Variants in DOCK7 observed in about 807,000 individuals in gnomAD.
The protein encoded by DOCK7 is dedicator of cytokinesis 7.
A neutral mutation model predicts 271.0 loss-of-function variants in DOCK7; 138 were observed. That is an observed-to-expected ratio of 0.51 (90% CI 0.44 to 0.59). The LOEUF (loss-of-function observed/expected upper bound fraction) is 0.59. Among genes scored for constraint, DOCK7 ranks in the 20% least tolerant of loss-of-function variants. The probability of loss-of-function intolerance (pLI) is 0.00; values close to 1 mark genes in which losing one functional copy is unlikely to be tolerated. For synonymous variants in DOCK7, 823 were observed against 876.1 expected, an observed-to-expected ratio of 0.94 and a Z score of 1.07; for missense variants, 2,066 against 2,592.4, an observed-to-expected ratio of 0.80 and a Z score of 4.41.
rs549824141 is a variant in DOCK7 at position 62,634,700 on chromosome 1, A to C, written c.1035+73T>G. 2.6e-5 allele frequency: 37 copies of C among 1,449,214 alleles called. No homozygotes were observed. The East Asian group carries it at 8.3e-4, about 33-fold the overall frequency. 89.8% of individuals were successfully genotyped at this position (1,449,214 alleles called of 1,614,324 possible). A position where few individuals can be genotyped will look rare whatever the true frequency, so the allele number is the denominator to read the frequency against. On this transcript the variant is annotated intron_variant, in intron 9 of 49. Transcript: ENST00000635253. ...TGTAAAGGTCAAATCTTTGCCCTTG[A>C]AAAGTTTATAATACTGACAGACAAG... is the stretch of plus-strand genomic sequence containing the variant.
chr1:62,621,718 G>A (rs1199152273), intron 12 of DOCK7, among the ~76,000 whole-genome samples: 2 of 152,040 alleles, frequency 1.3e-5, no homozygotes, highest in East Asian at 3.9e-4. Context: ...ACTTTACAAG[G>A]TTTCTTCAGT....
intron 11 of DOCK7, among the ~76,000 whole-genome samples, chr1:62,627,099 T>C (rs1654048353): frequency 6.6e-6 from 1 of 152,062 alleles, no homozygotes; most frequent in African/African-American, 2.4e-5. Context: ...AAAAACCACA[T>C]CATTCGATGC....
In DOCK7 at chr1:62,638,486, G is replaced by C. The variant is rs928698659; in HGVS notation, c.819-1883C>G. On this transcript the variant is annotated intron_variant, in intron 7 of 49. Transcript: ENST00000635253. ...CTGTAAAAAAAATTTTGTGTATCAT[G>C]GGAGGCAGTGGTCAAGTTTCCTATT... 1.5e-4 allele frequency: 22 copies of C among 150,226 alleles called. 1 individual carries two copies. The highest frequency in any genetic ancestry group is 1.4e-3 in the Admixed American group (21 of 15,088). The allele number at this position is 150,226 out of a possible 1,614,324, so 9.3% of individuals were successfully genotyped here. A position where few individuals can be genotyped will look rare whatever the true frequency, so the allele number is the denominator to read the frequency against.
Position 62,475,941 on chromosome 1 carries a change from T to C in DOCK7, c.5727A>G (p.Ala1909=), listed in dbSNP as rs1011864865. The change falls in exon 46 of 50, where the codon GCA becomes GCG. Residue 1909 remains alanine (A), a splice_region_variant and synonymous_variant. Transcript: ENST00000635253. The stretch of plus-strand genomic sequence containing the variant: ...GCTCCACATAGGTAATCTGAATATA[T>C]GCCTAGGAAAGAAAAAAGTCCTTCA... ...VDKCKLDPNK[A]YIQITYVEPY... is the part of the protein sequence containing the mutation. The C allele has an allele frequency of 3.1e-6, 5 of 1,613,046 alleles. No homozygotes were observed. The highest frequency in any genetic ancestry group is 4.2e-6 in the Non-Finnish European group (5 of 1,179,458).
At position 62,492,691 on chromosome 1, in the gene DOCK7, A is replaced by G; in HGVS notation, c.5361+13T>C. 1.2e-6 allele frequency: 2 copies of G among 1,613,800 alleles called. No homozygotes were observed. The highest frequency in any genetic ancestry group is 1.7e-6 in the Non-Finnish European group (2 of 1,179,844). ...ATGAAACTGTGGGAAAAGAATTAAC[A>G]AGAGTCATCTACCATAGAGAAGGAA... is the stretch of plus-strand genomic sequence containing the variant. On this transcript the variant is annotated intron_variant, in intron 41 of 49. Transcript: ENST00000635253.
chr1:62,574,366 C>T (rs1166877945), intron 18 of DOCK7, among the ~76,000 whole-genome samples: 1 of 151,960 alleles, frequency 6.6e-6, no homozygotes, highest in Non-Finnish European at 1.5e-5. Context: ...GTTGTCATGA[C>T]TTTACAGACT....
At chr1:62,687,213 T>A (rs976335565) in intron 1 of DOCK7, among the ~76,000 whole-genome samples, 1 of 152,210 alleles carries the variant, frequency 6.6e-6, no homozygotes, top group Non-Finnish European at 1.5e-5. Flanking sequence ...CAAATATGAT[T>A]TTATTAAAAC....
chr1:62,512,322 G>A (rs1239395582), intron 33 of DOCK7, among the ~76,000 whole-genome samples: 1 of 152,134 alleles, frequency 6.6e-6, no homozygotes, highest in Non-Finnish European at 1.5e-5. Context: ...AGTATTGTCT[G>A]TATGTCACTT....
intron 14 of DOCK7, among the ~76,000 whole-genome samples, chr1:62,598,980 CT>C (rs1051566287): frequency 1.3e-5 from 2 of 152,052 alleles, no homozygotes; most frequent in African/African-American, 4.8e-5. Flanking sequence ...AACCATGGCT[CT>C]AAAACTTTGT....
rs542973492 is a variant in DOCK7, at chr1:62,562,586, C to T, written c.2113-883G>A. Reference sequence around the variant, plus strand: ...TCATAAAAAATAACTTTTAAAAGTACATAAATTCTCTCTATTCCTCCTGCT... The same window carrying T: ...TCATAAAAAATAACTTTTAAAAGTATATAAATTCTCTCTATTCCTCCTGCT... On this transcript the variant is annotated intron_variant, in intron 18 of 49. Coordinates refer to ENST00000635253, the MANE Select transcript of DOCK7 (RefSeq NM_001367561.1). 2.0e-5 allele frequency among the ~76,000 whole-genome samples: 3 copies of T among 152,156 alleles called. No individual in the cohort carries two copies. The East Asian group carries it at 5.8e-4, about 29-fold the overall frequency.
At chr1:62,604,691 A>AC (rs1220317954) in intron 14 of DOCK7, 1 of 1,613,292 alleles carries the variant, frequency 6.2e-7, no homozygotes, top group African/African-American at 1.3e-5. Flanking sequence ...AATATAACAA[A>AC]CCAAGAGCAA....
At chr1:62,631,542 AGATGAAG>A in intron 10 of DOCK7, 137 bp from the exon 11 acceptor site, 1 of 697,596 alleles carries the variant, frequency 1.4e-6, no homozygotes, top group Non-Finnish European at 2.3e-6. Flanking sequence ...TACCTTACAG[AGATGAAG>A]TATTAGTGCA....
Position 62,501,364 on chromosome 1 carries a change from T to C in DOCK7, c.4764+3266A>G, listed in dbSNP as rs535776130. Among the ~76,000 whole-genome samples, 452 of 151,586 alleles carry C rather than the reference T, an allele frequency of 3.0e-3. 4 individuals carry two copies. The highest frequency in any genetic ancestry group is 0.022 in the South Asian group (107 of 4,790). ...ACAGCTAAGAAAAACACTAGGAGGGTGAGAAAGGAGATAGAAAGAAGTACT... is the reference window on the plus strand; with the variant it reads ...ACAGCTAAGAAAAACACTAGGAGGGCGAGAAAGGAGATAGAAAGAAGTACT... On this transcript the variant is annotated intron_variant, in intron 37 of 49. Transcript: ENST00000635253.
In DOCK7 at chr1:62,625,279, C is replaced by A. The variant is rs139651399; in HGVS notation, c.1405G>T (p.Val469Leu). 35 of 1,613,828 alleles carry A rather than the reference C, an allele frequency of 2.2e-5. No individual in the cohort carries two copies. The highest frequency in any genetic ancestry group is 3.0e-5 in the Non-Finnish European group (35 of 1,179,964). ...LTSFRPATLT[V>L]TNFFKQEGDR... ...AATACCTGCTTAAAAAAATTTGTCACTGTGAGAGTAGCTGGTCGAAAGCTC... is the reference window on the plus strand; with the variant it reads ...AATACCTGCTTAAAAAAATTTGTCAATGTGAGAGTAGCTGGTCGAAAGCTC... The change falls in exon 12 of 50, where the codon GTG becomes TTG. Residue 469 changes from valine (V) to leucine (L), a missense_variant. Physicochemically the swap from Val to Leu is conservative, Grantham distance 32. Around this residue, in one of 2 missense-constraint regions of DOCK7, gnomAD observed 1,414 missense variants for 1,670.4 expected, o/e 0.85. Coordinates refer to ENST00000635253, the MANE Select transcript of DOCK7 (RefSeq NM_001367561.1).
chr1:62,688,096 C>T, intron 1 of DOCK7, 131 bp downstream of exon 1: 3 of 1,131,478 alleles, frequency 2.7e-6, no homozygotes, highest in Non-Finnish European at 3.3e-6. Flanking sequence ...CCTTCCGCCC[C>T]GCCGCGAGCC....
chr1:62,501,110 G>C (rs1173381213), intron 37 of DOCK7, among the ~76,000 whole-genome samples: 1 of 152,176 alleles, frequency 6.6e-6, no homozygotes, highest in Non-Finnish European at 1.5e-5. Context: ...CACTTTGGAA[G>C]GCCGTGCAGG....
At chr1:62,598,113 T>TA (rs774491580) in intron 14 of DOCK7, 26 of 1,470,686 alleles carry the variant, frequency 1.8e-5, no homozygotes, top group East Asian at 4.8e-5. Flanking sequence ...GTGGATCTTT[T>TA]AAAAAAAATA....
intron 4 of DOCK7, among the ~76,000 whole-genome samples, chr1:62,652,023 T>C (rs1657446247): frequency 6.6e-6 from 1 of 152,168 alleles, no homozygotes; most frequent in African/African-American, 2.4e-5. Context: ...TCCTCCAAGA[T>C]GTGCTCACCC....
At position 62,543,725 on chromosome 1, in the gene DOCK7, A is replaced by T. The variant is rs771107750; in HGVS notation, c.2880T>A (p.Asn960Lys). ...ACGTCTCTGTGTGCGAAGACATACGATTACAACTTCGATCCATAGCCTATG... is the reference window on the plus strand; with the variant it reads ...ACGTCTCTGTGTGCGAAGACATACGTTTACAACTTCGATCCATAGCCTATG... ...ESTQAMDRSC[N>K]RMSSHTETSS... Residue 960 changes from asparagine to lysine, a missense_variant, in exon 24 of 50, where the codon AAT becomes AAA. Asn to Lys is a moderately conservative substitution (Grantham distance 94). Around this residue, in one of 2 missense-constraint regions of DOCK7, gnomAD observed 1,414 missense variants for 1,670.4 expected, o/e 0.85. Transcript: ENST00000635253. 6.3e-7 allele frequency: 1 copy of T among 1,597,640 alleles called. No homozygotes were observed. Among genetic ancestry groups the T allele is most frequent in the East Asian group, 2.2e-5 (1 of 44,690 alleles).
Sources: allele counts gnomAD v4.1 joint callset (sites outside exome capture counted in the v4.1 genomes callset), GRCh38; gene constraint gnomAD v4.1.1; regional missense constraint gnomAD v4.1.1; transcripts MANE v1.5; gene names NCBI Gene and HGNC (gene_info 2026-07-23, HGNC 2026-07-21).